The following IQSEC1 variants were observed in gnomAD, a reference collection of about 807,000 sequenced individuals.
IQSEC1 encodes the protein IQ motif and Sec7 domain ArfGEF 1, also known as IQ motif and SEC7 domain-containing protein 1.
A neutral mutation model predicts 91.0 loss-of-function variants in IQSEC1; 31 were observed. The ratio of observed to expected loss-of-function variants is 0.34; its 90% CI spans 0.26 to 0.46. The LOEUF (loss-of-function observed/expected upper bound fraction) is 0.46. Ranked by LOEUF, IQSEC1 falls within the 20% of genes least tolerant of loss-of-function variation. The probability of loss-of-function intolerance (pLI) is 1.00; values close to 1 mark genes in which losing one functional copy is unlikely to be tolerated. For synonymous variants in IQSEC1, 699 were observed against 662.6 expected, an observed-to-expected ratio of 1.05 and a Z score of -0.84; for missense variants, 1,388 against 1,575.6, an observed-to-expected ratio of 0.88 and a Z score of 2.02.
At chr3:13,077,753 G>A (rs1444061813), upstream of IQSEC1, among the ~76,000 whole-genome samples, 4 of 152,194 alleles carry the variant, frequency 2.6e-5, no homozygotes, top group South Asian at 2.1e-4. Context: ...TGGGCTTCTG[G>A]AAGCCTGGCA....
chr3:12,966,524 C>T (rs1700579969), intron 1 of IQSEC1, among the ~76,000 whole-genome samples: 1 of 152,154 alleles, frequency 6.6e-6, no homozygotes, highest in African/African-American at 2.4e-5. Flanking sequence ...AATCAATATT[C>T]CCAGCACATA....
intron 1 of IQSEC1, among the ~76,000 whole-genome samples, chr3:13,243,800 G>A (rs1331793980): frequency 6.6e-6 from 1 of 151,782 alleles, no homozygotes; most frequent in Non-Finnish European, 1.5e-5. Flanking sequence ...TTTCTAGGGG[G>A]GCGTATGGCA....
intron 2 of IQSEC1, among the ~76,000 whole-genome samples, chr3:13,144,803 G>T (rs766874518): frequency 6.6e-6 from 1 of 152,176 alleles, no homozygotes; most frequent in African/African-American, 2.4e-5. Context: ...GCTCTGCTGA[G>T]AAGGAACACA....
At chr3:13,166,535 T>C (rs746957496) in intron 1 of IQSEC1, among the ~76,000 whole-genome samples, 1 of 152,244 alleles carries the variant, frequency 6.6e-6, no homozygotes, top group Non-Finnish European at 1.5e-5. Flanking sequence ...GCCTCAGTAG[T>C]CACTTAATCT....
chr3:13,072,528 T>C (rs1246001448), intron 1 of IQSEC1, among the ~76,000 whole-genome samples: 1 of 152,202 alleles, frequency 6.6e-6, no homozygotes, highest in African/African-American at 2.4e-5. Flanking sequence ...CTAGGGACGG[T>C]GGGCTGGACC....
intron 1 of IQSEC1, among the ~76,000 whole-genome samples, chr3:13,017,796 G>A (rs1703209426): frequency 6.6e-6 from 1 of 152,206 alleles, no homozygotes; most frequent in Admixed American, 6.5e-5. Flanking sequence ...CGGGTGAAAG[G>A]GGAAAGCAGC....
At chr3:12,916,767 G>T in intron 6 of IQSEC1, among the ~76,000 whole-genome samples, 1 of 152,206 alleles carries the variant, frequency 6.6e-6, no homozygotes, top group Non-Finnish European at 1.5e-5. Flanking sequence ...CATTAACAGG[G>T]GAGTGCTCAA....
At chr3:12,944,437 C>G (rs140013639) in intron 1 of IQSEC1, among the ~76,000 whole-genome samples, 1 of 152,342 alleles carries the variant, frequency 6.6e-6, no homozygotes, top group South Asian at 2.1e-4. Flanking sequence ...TTGGCCTCGC[C>G]GGGAAGCCCA....
chr3:13,119,986 AGGGACCCAGAGAG>A (rs1706397703), intron 2 of IQSEC1, among the ~76,000 whole-genome samples: 2 of 152,218 alleles, frequency 1.3e-5, no homozygotes, highest in Non-Finnish European at 2.9e-5. Flanking sequence ...GGTGGGCCAC[AGGGACCCAGAGAG>A]AGCTCTCTGC....
At chr3:13,205,626 A>C (rs1387432249) in intron 1 of IQSEC1, among the ~76,000 whole-genome samples, 4 of 138,628 alleles carry the variant, frequency 2.9e-5, no homozygotes, top group Non-Finnish European at 6.2e-5. Flanking sequence ...CTCCACCCAT[A>C]CATCCCTCCA....
At chr3:13,028,166 C>G (rs1361419107) in intron 1 of IQSEC1, among the ~76,000 whole-genome samples, 1 of 152,206 alleles carries the variant, frequency 6.6e-6, no homozygotes, top group Non-Finnish European at 1.5e-5. Context: ...ATTTCTCACG[C>G]CTCAAGCATA....
chr3:13,213,642 C>A (rs755585596), intron 1 of IQSEC1, among the ~76,000 whole-genome samples: 1 of 152,116 alleles, frequency 6.6e-6, no homozygotes, highest in Non-Finnish European at 1.5e-5. Flanking sequence ...TCATATTACA[C>A]CTGCTGAAAT....
intron 2 of IQSEC1, among the ~76,000 whole-genome samples, chr3:13,115,931 T>TAG (rs1307335520): frequency 6.6e-6 from 1 of 152,204 alleles, no homozygotes. Flanking sequence ...ACCAAAAGGT[T>TAG]AGCATCGGAA....
At chr3:12,915,544 C>G in intron 7 of IQSEC1, 50 bp downstream of exon 7, 9 of 1,592,352 alleles carry the variant, frequency 5.7e-6, no homozygotes, top group Non-Finnish European at 7.7e-6. Context: ...GGCAGGCAGC[C>G]CCGCCCGGGT....
intron 1 of IQSEC1, among the ~76,000 whole-genome samples, chr3:13,203,874 C>T (rs1288278019): frequency 6.6e-6 from 1 of 152,254 alleles, no homozygotes; most frequent in Non-Finnish European, 1.5e-5. Context: ...GGGCCCTGAG[C>T]GTGCCAGTGA....
In IQSEC1 at chr3:12,935,589, G is replaced by A. The variant is rs758477143; in HGVS notation, c.1427C>T (p.Ser476Leu). Reference sequence around the variant, plus strand: ...CTGCTCCCGCAGGCTGTCACGGGACGATGACTCGGAGCTGCAGTTGATGGT... The same window carrying A: ...CTGCTCCCGCAGGCTGTCACGGGACAATGACTCGGAGCTGCAGTTGATGGT... ...NDTINCSSES[S>L]SRDSLREQTL... The change falls in exon 3 of 14, where the codon TCG becomes TTG. Residue 476 changes from serine to leucine, a missense_variant. Around this residue, in one of 2 missense-constraint regions of IQSEC1, gnomAD observed 1,059 missense variants for 1,317.8 expected, o/e 0.80. Coordinates refer to ENST00000613206, the MANE Select transcript of IQSEC1 (RefSeq NM_001134382.3). This position sits in a 1 kb window ranked among gnomAD's most constrained non-coding sequence, Gnocchi z 8.0. The A allele has an allele frequency of 1.7e-5, 27 of 1,614,016 alleles. No individual in the cohort carries two copies. Among genetic ancestry groups the A allele is most frequent in the African/African-American group, 8.0e-5 (6 of 74,948 alleles).
chr3:13,094,323 G>A (rs1258193266), intron 2 of IQSEC1, among the ~76,000 whole-genome samples: 2 of 152,194 alleles, frequency 1.3e-5, no homozygotes, highest in East Asian at 3.8e-4. Context: ...AGGCATTCCA[G>A]ATGGAAGGCG....
At chr3:12,993,810 C>G (rs1209382137) in intron 1 of IQSEC1, among the ~76,000 whole-genome samples, 1 of 152,192 alleles carries the variant, frequency 6.6e-6, no homozygotes, top group African/African-American at 2.4e-5. Context: ...CCGCTGATCC[C>G]CAACCCCACA....
chr3:13,115,174 G>A (rs1706315049), intron 2 of IQSEC1, among the ~76,000 whole-genome samples: 1 of 152,206 alleles, frequency 6.6e-6, no homozygotes, highest in Admixed American at 6.5e-5. Flanking sequence ...GCAATGTAAC[G>A]CCCAGGGAGT....
Sources: gnomAD v4.1 joint callset for allele counts (sites outside exome capture counted in the v4.1 genomes callset) on GRCh38, gnomAD v4.1.1 for gene constraint, gnomAD v4.1.1 regional missense constraint, Gnocchi (gnomAD v3.1) non-coding constraint, MANE v1.5 for transcripts, NCBI Gene and HGNC (gene_info 2026-07-23, HGNC 2026-07-21) for gene names.